The following PCSK2 variants were observed in gnomAD, a reference collection of about 807,000 sequenced individuals.
PCSK2 encodes neuroendocrine convertase 2.
A neutral mutation model predicts 69.7 loss-of-function variants in PCSK2; 14 were observed. The observed-to-expected ratio is 0.20, with a 90% CI of 0.13 to 0.31. PCSK2 has a LOEUF of 0.31. PCSK2 is among the 10% of genes least tolerant of loss of function. PCSK2 has a pLI of 1.00. For missense variants in PCSK2, 544 were observed against 842.5 expected, an observed-to-expected ratio of 0.65 and a Z score of 4.39; for synonymous variants, 307 against 320.7, an observed-to-expected ratio of 0.96 and a Z score of 0.46.
At chr20:17,273,416 T>C (rs1987942380) in intron 2 of PCSK2, among the ~76,000 whole-genome samples, 1 of 152,162 alleles carries the variant, frequency 6.6e-6, no homozygotes, top group Non-Finnish European at 1.5e-5. Context: ...GGAATTACAA[T>C]GAAAGTGCAA....
At position 17,473,087 on chromosome 20, in the gene PCSK2, C is replaced by CTTTTTTTT. The variant is rs10648323; in HGVS notation, c.1430+7551_1430+7558dup. Among the ~76,000 whole-genome samples, 24 of 76,786 alleles carry CTTTTTTTT rather than the reference C, an allele frequency of 3.1e-4. 1 individual carries two copies. The highest frequency in any genetic ancestry group is 9.4e-4 in the East Asian group (2 of 2,132). The allele number at this position is 76,786 out of a possible 152,430, so 50.4% of individuals were successfully genotyped here. A position where few individuals can be genotyped will look rare whatever the true frequency, so the allele number is the denominator to read the frequency against. On this transcript the variant is annotated intron_variant, in intron 11 of 11. Coordinates refer to ENST00000262545, the MANE Select transcript of PCSK2 (RefSeq NM_002594.5). Reference sequence around the variant, plus strand: ...ATCTCTAATAGGTCAAAGAAGAACTCTTTTTTTTTTTTTTTTTTTTTTTTG... The same window carrying CTTTTTTTT: ...ATCTCTAATAGGTCAAAGAAGAACTCTTTTTTTTTTTTTTTTTTTTTTTTTTTTTTTTG...
At chr20:17,367,765 C>T (rs796774763) in intron 4 of PCSK2, among the ~76,000 whole-genome samples, 25 of 152,206 alleles carry the variant, frequency 1.6e-4, no homozygotes, top group African/African-American at 4.3e-4. Context: ...CCCAAAGCAC[C>T]GGGATTACAG....
rs151293883 is a variant in PCSK2 at position 17,453,747 on chromosome 20, C to T, written c.891C>T (p.Arg297=). ...QAMADGVNKG[R]GGKGSIYVWA... ...GTCTCCCCTGCTCTCCCCAGGGCCGCGGCGGCAAAGGCAGCATCTACGTGT... is the reference window on the plus strand; with the variant it reads ...GTCTCCCCTGCTCTCCCCAGGGCCGTGGCGGCAAAGGCAGCATCTACGTGT... The change falls in exon 9 of 12, where the codon CGC becomes CGT. Residue 297 remains arginine, a synonymous_variant. Coordinates refer to ENST00000262545, the MANE Select transcript of PCSK2 (RefSeq NM_002594.5). The surrounding 1 kb of genome is among the most constrained non-coding windows in gnomAD (Gnocchi z 4.0). 7.1e-5 allele frequency: 114 copies of T among 1,613,034 alleles called. No homozygotes were observed. In the Middle Eastern group the frequency reaches 1.2e-3, roughly 16 times the overall value.
chr20:17,343,174 T>C (rs534964065), intron 2 of PCSK2, among the ~76,000 whole-genome samples: 21 of 152,358 alleles, frequency 1.4e-4, no homozygotes, highest in African/African-American at 4.6e-4. Context: ...AAAAAATACA[T>C]GTTGCATCTG....
At chr20:17,306,468 T>C (rs1008157711) in intron 2 of PCSK2, among the ~76,000 whole-genome samples, 1 of 152,174 alleles carries the variant, frequency 6.6e-6, no homozygotes, top group African/African-American at 2.4e-5. Context: ...TTCTGTCTAG[T>C]GGGCATTAGA....
intron 7 of PCSK2, among the ~76,000 whole-genome samples, chr20:17,436,434 A>C (rs1203681468): frequency 6.6e-6 from 1 of 152,232 alleles, no homozygotes; most frequent in Non-Finnish European, 1.5e-5. Flanking sequence ...GCTTCAGCAA[A>C]GGTGGTCTCT....
At chr20:17,263,722 C>T (rs1203534400) in intron 2 of PCSK2, among the ~76,000 whole-genome samples, 1 of 152,132 alleles carries the variant, frequency 6.6e-6, no homozygotes, top group Admixed American at 6.5e-5. Flanking sequence ...AGTTTTATCA[C>T]AAAGAATCCC....
At chr20:17,388,803 T>C (rs1327078527) in intron 5 of PCSK2, among the ~76,000 whole-genome samples, 5 of 152,144 alleles carry the variant, frequency 3.3e-5, no homozygotes, top group Non-Finnish European at 5.9e-5. Context: ...ATTAATTGGA[T>C]GCTCGGATTT....
At chr20:17,362,580 G>A (rs1301027691) in intron 4 of PCSK2, among the ~76,000 whole-genome samples, 1 of 152,134 alleles carries the variant, frequency 6.6e-6, no homozygotes, top group Non-Finnish European at 1.5e-5. Context: ...TCTCACATGA[G>A]GCCTCCAGCA....
At chr20:17,375,404 A>G (rs965323227) in intron 5 of PCSK2, among the ~76,000 whole-genome samples, 1 of 152,194 alleles carries the variant, frequency 6.6e-6, no homozygotes, top group Non-Finnish European at 1.5e-5. Flanking sequence ...AGAAAAGAGA[A>G]GGTAAAGGCA....
At chr20:17,450,057 T>G (rs2032792286) in intron 8 of PCSK2, among the ~76,000 whole-genome samples, 1 of 127,706 alleles carries the variant, frequency 7.8e-6, no homozygotes, top group African/African-American at 3.1e-5. Flanking sequence ...TGTGACGGAG[T>G]CTCACTGTCG....
At chr20:17,265,639 C>G (rs1012903470) in intron 2 of PCSK2, among the ~76,000 whole-genome samples, 1 of 152,050 alleles carries the variant, frequency 6.6e-6, no homozygotes, top group African/African-American at 2.4e-5. Context: ...ATTCTCATTT[C>G]CTTGTAGCAT....
At chr20:17,307,309 C>T (rs1187546385) in intron 2 of PCSK2, among the ~76,000 whole-genome samples, 1 of 152,150 alleles carries the variant, frequency 6.6e-6, no homozygotes, top group African/African-American at 2.4e-5. Flanking sequence ...ATTCTCATTG[C>T]TGACCAGAGG....
At chr20:17,288,647 T>C (rs1288616932) in intron 2 of PCSK2, among the ~76,000 whole-genome samples, 2 of 152,078 alleles carry the variant, frequency 1.3e-5, no homozygotes, top group Admixed American at 6.6e-5. Flanking sequence ...ATATAATGGG[T>C]AAACACCCAT....
At chr20:17,424,581 C>A (rs899627950) in intron 6 of PCSK2, among the ~76,000 whole-genome samples, 9 of 152,102 alleles carry the variant, frequency 5.9e-5, no homozygotes, top group African/African-American at 2.2e-4. Flanking sequence ...TGACCTCCGC[C>A]TCTCTGGTTC....
rs900470761 is a variant in PCSK2 at position 17,483,750 on chromosome 20, A to G, written c.*1680A>G. On this transcript the variant is annotated 3_prime_UTR_variant, in exon 12 of 12. Coordinates refer to ENST00000262545, the MANE Select transcript of PCSK2 (RefSeq NM_002594.5). ...AAGTGTAATAATATGATTTTTTAAA[A>G]GAAATTTATTACTTGTTGCAAAGGT... is the stretch of plus-strand genomic sequence containing the variant. The G allele has an allele frequency of 1.3e-5, 2 of 152,650 alleles. No individual in the cohort carries two copies. The highest frequency in any genetic ancestry group is 4.8e-5 in the African/African-American group (2 of 41,480). The allele number at this position is 152,650 out of a possible 1,614,324, so 9.5% of individuals were successfully genotyped here.
At chr20:17,334,078 GTTAC>G (rs747799605) in intron 2 of PCSK2, among the ~76,000 whole-genome samples, 21 of 151,900 alleles carry the variant, frequency 1.4e-4, no homozygotes, top group Non-Finnish European at 2.6e-4. Context: ...GCTTGTCAGT[GTTAC>G]TTACCAGCTC....
intron 2 of PCSK2, among the ~76,000 whole-genome samples, chr20:17,337,957 GA>G (rs1192990326): frequency 6.7e-6 from 1 of 149,760 alleles, no homozygotes; most frequent in Admixed American, 6.7e-5. Flanking sequence ...TAGGAGAAGA[GA>G]AAGAGGGAAA....
rs1342729270 is a variant in PCSK2 at position 17,453,823 on chromosome 20, G to A, written c.967G>A (p.Ala323Thr). Residue 323 changes from alanine (A) to threonine (T), a missense_variant, in exon 9 of 12, where the codon GCC becomes ACC. By Grantham distance (58) the Ala-to-Thr change is moderately conservative. This residue lies in a region of PCSK2 where 187 missense variants were observed against 399.8 expected (regional missense o/e 0.47). Transcript: ENST00000262545. The surrounding 1 kb of genome is among the most constrained non-coding windows in gnomAD (Gnocchi z 4.0). ...SYDDCNCDGY[A>T]SSMWTISINS... ...TGACGACTGCAACTGCGACGGCTAC[G>A]CCTCCAGCATGTGGACCATCTCCAT... 4.3e-6 allele frequency: 7 copies of A among 1,614,194 alleles called. No individual in the cohort carries two copies. Among genetic ancestry groups the A allele is most frequent in the Non-Finnish European group, 5.9e-6 (7 of 1,180,034 alleles).
Sources: gnomAD v4.1 joint callset for allele counts (sites outside exome capture counted in the v4.1 genomes callset) on GRCh38, gnomAD v4.1.1 for gene constraint, gnomAD v4.1.1 regional missense constraint, Gnocchi (gnomAD v3.1) non-coding constraint, MANE v1.5 for transcripts, NCBI Gene and HGNC (gene_info 2026-07-23, HGNC 2026-07-21) for gene names.